BICRA: variants seen among roughly 807,000 people sequenced by gnomAD.
BICRA encodes the protein BRD4 interacting chromatin remodeling complex associated protein, also known as BRD4-interacting chromatin-remodeling complex-associated protein.
In BICRA, 31 loss-of-function variants were observed where a neutral mutation model predicts 96.9. The ratio of observed to expected loss-of-function variants is 0.32; its 90% CI spans 0.24 to 0.43. BICRA has a LOEUF of 0.43. Among genes scored for constraint, BICRA ranks in the 20% least tolerant of loss-of-function variants. The probability of loss-of-function intolerance (pLI) is 1.00; values close to 1 mark genes in which losing one functional copy is unlikely to be tolerated. For missense variants in BICRA, 2,283 were observed against 2,190.3 expected (o/e 1.04, Z -0.84); for synonymous variants, 1,350 against 1,071.8 (o/e 1.26, Z -5.07).
At chr19:47,685,094 G>A (rs886851903) in intron 7 of BICRA, among the ~76,000 whole-genome samples, 2 of 151,890 alleles carry the variant, frequency 1.3e-5, no homozygotes, top group Admixed American at 6.6e-5. Context: ...CTCAGCCTCC[G>A]AAGTAGCTGG....
intron 1 of BICRA, among the ~76,000 whole-genome samples, chr19:47,655,525 CAAAA>C (rs58172799): frequency 1.5e-5 from 1 of 65,118 alleles, no homozygotes; most frequent in Non-Finnish European, 2.8e-5. Flanking sequence ...AACTCTGTCT[CAAAA>C]AAAAAAAAAA....
chr19:47,700,704 G>C (rs1184520861), intron 14 of BICRA: 3 of 151,912 alleles, frequency 2.0e-5, no homozygotes, highest in African/African-American at 7.3e-5. Context: ...TGAGGCAGGA[G>C]ACTCGCTTGA....
intron 9 of BICRA, 23 bp from the exon 10 acceptor site, chr19:47,695,342 T>TCGGGGGGGGCCC: frequency 1.3e-5 from 8 of 630,196 alleles, no homozygotes; most frequent in Non-Finnish European, 2.0e-5. Context: ...AGGCCCTGTC[T>TCGGGGGGGGCCC]CCCCCACCCC....
chr19:47,663,473 G>C (rs2911002), intron 1 of BICRA: 1 of 151,848 alleles, frequency 6.6e-6, no homozygotes, highest in Non-Finnish European at 1.5e-5. Context: ...TTGTTGTCCC[G>C]TGGTTGCAAA....
Position 47,701,837 on chromosome 19 carries a change from GCCGCCCCCGAGCGCAAGCCCCTGGGCA to G in BICRA, c.4113_4139del (p.Glu1372_Pro1380del). On this transcript the variant is annotated inframe_deletion, in exon 15 of 15. Coordinates refer to ENST00000594866, the MANE Select transcript of BICRA (RefSeq NM_001394372.1). The surrounding 1 kb of genome is among the most constrained non-coding windows in gnomAD (Gnocchi z 5.4). ...CGGCACGGTGGACCACCCGCCGCCT[GCCGCCCCCGAGCGCAAGCCCCTGGGCA>G]CCGCCCCGCACTGCCCGCGCCTGCC... The G allele has an allele frequency of 6.6e-7, 1 of 1,520,928 alleles. No homozygotes were observed. The highest frequency in any genetic ancestry group is 8.8e-7 in the Non-Finnish European group (1 of 1,138,288). The allele number at this position is 1,520,928 out of a possible 1,614,324, so 94.2% of individuals were successfully genotyped here.
chr19:47,624,979 C>A (rs1972118525), intron 1 of BICRA, among the ~76,000 whole-genome samples: 1 of 147,182 alleles, frequency 6.8e-6, no homozygotes, highest in Non-Finnish European at 1.5e-5. Flanking sequence ...CAGACATGAG[C>A]CACTGCACCT....
chr19:47,658,524 C>T (rs781544760), intron 1 of BICRA, among the ~76,000 whole-genome samples: 1 of 151,686 alleles, frequency 6.6e-6, no homozygotes, highest in African/African-American at 2.4e-5. Flanking sequence ...CCCAGTTACT[C>T]CTGAGGCTAA....
rs1160326045 is a variant in BICRA, at chr19:47,682,119, C to T, written c.2250C>T (p.Pro750=). 6.6e-6 allele frequency: 10 copies of T among 1,513,016 alleles called. No individual in the cohort carries two copies. The highest frequency in any genetic ancestry group is 2.7e-5 in the African/African-American group (2 of 72,774). 93.7% of individuals were successfully genotyped at this position (1,513,016 alleles called of 1,614,324 possible). ...AKGAGLGPQA[P]DSQASPAPAP... is the part of the protein sequence containing the mutation. ...GAGCTGGCCTCGGCCCTCAGGCCCC[C>T]GACAGCCAGGCTTCCCCGGCTCCGG... The change falls in exon 7 of 15, where the codon CCC becomes CCT. Residue 750 remains proline, a synonymous_variant. Transcript: ENST00000594866.
intron 7 of BICRA, among the ~76,000 whole-genome samples, chr19:47,687,429 A>G (rs1046574361): frequency 1.3e-5 from 2 of 151,986 alleles, no homozygotes; most frequent in East Asian, 1.9e-4. Context: ...ACATACCATT[A>G]TTTCTTTATT....
intron 10 of BICRA, among the ~76,000 whole-genome samples, chr19:47,695,929 G>A (rs560553142): frequency 6.6e-6 from 1 of 152,044 alleles, no homozygotes. Context: ...TGTAAGACGT[G>A]GGGGAGACAG....
intron 4 of BICRA, among the ~76,000 whole-genome samples, chr19:47,674,042 G>C (rs1972905527): frequency 6.6e-6 from 1 of 152,228 alleles, no homozygotes; most frequent in Admixed American, 6.5e-5. Context: ...TTTGCACAAT[G>C]AAAGAGGTTT....
At chr19:47,652,893 C>T (rs901079952) in intron 1 of BICRA, among the ~76,000 whole-genome samples, 2 of 151,996 alleles carry the variant, frequency 1.3e-5, no homozygotes, top group African/African-American at 2.4e-5. Flanking sequence ...TGTATCATGT[C>T]TCCTTCACCC....
At chr19:47,622,163 A>G (rs1459640314) in intron 1 of BICRA, among the ~76,000 whole-genome samples, 3 of 151,204 alleles carry the variant, frequency 2.0e-5, no homozygotes, top group Non-Finnish European at 2.9e-5. Flanking sequence ...GACAGGTTTC[A>G]CTATGTTGGC....
chr19:47,681,805 G>A (rs1384920350), intron 6 of BICRA, among the ~76,000 whole-genome samples, 171 bp from the exon 7 acceptor site: 2 of 152,108 alleles, frequency 1.3e-5, no homozygotes, highest in African/African-American at 2.4e-5. Flanking sequence ...AGCTCAGAAT[G>A]GAGCAGGCTG....
intron 1 of BICRA, among the ~76,000 whole-genome samples, chr19:47,619,805 A>G (rs544808292): frequency 2.0e-5 from 3 of 152,300 alleles, no homozygotes; most frequent in East Asian, 3.9e-4. Context: ...CTGAGGTAGG[A>G]GAATTGCTTG....
At chr19:47,628,770 A>G (rs1338189917) in intron 1 of BICRA, among the ~76,000 whole-genome samples, 1 of 151,754 alleles carries the variant, frequency 6.6e-6, no homozygotes, top group Non-Finnish European at 1.5e-5. Flanking sequence ...ACACCCAGCT[A>G]ATTTTTGTAT....
In BICRA at chr19:47,694,598, C is replaced by T. The variant is rs754565382; in HGVS notation, c.2767C>T (p.Pro923Ser). 2.3e-5 allele frequency: 36 copies of T among 1,561,810 alleles called. No individual in the cohort carries two copies. In the South Asian group the frequency reaches 3.6e-4, roughly 15 times the overall value. The stretch of plus-strand genomic sequence containing the variant: ...GGGGCCCCACAAGTCCCCCACTCCC[C>T]CTCCAACCCTCCACCTGGTCCCTGA... ...SQGPHKSPTP[P>S]PTLHLVPEPA... Residue 923 changes from proline to serine, a missense_variant, in exon 8 of 15, where the codon CCT (proline) becomes TCT (serine). Pro to Ser is a moderately conservative substitution (Grantham distance 74). Transcript: ENST00000594866.
chr19:47,677,908 T>C (rs1972966222), intron 5 of BICRA, among the ~76,000 whole-genome samples: 3 of 152,216 alleles, frequency 2.0e-5, no homozygotes, highest in Admixed American at 2.0e-4. Flanking sequence ...TGTCACACGC[T>C]TGCCTTTCGG....
Position 47,695,416 on chromosome 19 carries a change from C to G in BICRA, c.3128C>G (p.Pro1043Arg). Residue 1043 changes from proline to arginine, a missense_variant, in exon 10 of 15, where the codon CCG (proline) becomes CGG (arginine). Coordinates refer to ENST00000594866, the MANE Select transcript of BICRA (RefSeq NM_001394372.1). ...AENKAFASNL[P>R]TLNVAKAASS... ...AACAAGGCTTTTGCCAGCAACCTCC[C>G]GACCCTGAATGTGGCCAAGGCCGCT... 1 of 1,600,250 alleles carries G rather than the reference C, an allele frequency of 6.2e-7. No individual in the cohort carries two copies. The highest frequency in any genetic ancestry group is 8.5e-7 in the Non-Finnish European group (1 of 1,173,830).
Sources: gnomAD v4.1 joint callset for allele counts (sites outside exome capture counted in the v4.1 genomes callset) on GRCh38, gnomAD v4.1.1 for gene constraint, Gnocchi (gnomAD v3.1) non-coding constraint, MANE v1.5 for transcripts, NCBI Gene and HGNC (gene_info 2026-07-23, HGNC 2026-07-21) for gene names.